Variants in WBP1L observed in about 807,000 individuals in gnomAD.
WBP1L encodes the protein WW domain binding protein 1 like, also known as WW domain binding protein 1-like.
In WBP1L, 17 loss-of-function variants were observed where a neutral mutation model predicts 33.7. The observed-to-expected ratio is 0.50, with a 90% CI of 0.34 to 0.76. The LOEUF is 0.76. Ranked by LOEUF, WBP1L falls within the 30% of genes least tolerant of loss-of-function variation. WBP1L has a pLI of 0.01. For synonymous variants in WBP1L, 173 were observed against 190.8 expected (o/e 0.91, Z 0.77); for missense variants, 389 against 469.4 (o/e 0.83, Z 1.58).
intron 1 of WBP1L, among the ~76,000 whole-genome samples, chr10:102,764,965 A>T (rs980061526): frequency 3.9e-5 from 6 of 152,178 alleles, no homozygotes; most frequent in Non-Finnish European, 8.8e-5. Flanking sequence ...CAAATCCAAA[A>T]ACGATTGCTA....
intron 1 of WBP1L, among the ~76,000 whole-genome samples, chr10:102,769,019 C>T (rs1317051467): frequency 6.6e-6 from 1 of 152,134 alleles, no homozygotes; most frequent in Non-Finnish European, 1.5e-5. Context: ...AGGTCTCACT[C>T]TGATACCCAG....
intron 2 of WBP1L, among the ~76,000 whole-genome samples, chr10:102,807,701 G>A (rs182971843): frequency 1.3e-5 from 2 of 151,912 alleles, no homozygotes; most frequent in East Asian, 3.9e-4. Flanking sequence ...CAAAAGTTAG[G>A]ATCATATTTT....
intron 1 of WBP1L, among the ~76,000 whole-genome samples, chr10:102,753,524 T>G (rs982518293): frequency 5.9e-5 from 9 of 152,244 alleles, no homozygotes; most frequent in African/African-American, 2.2e-4. Context: ...TAGGTCATCC[T>G]CTCAGACTTG....
intron 3 of WBP1L, 58 bp downstream of exon 3, chr10:102,810,112 G>T: frequency 1.3e-6 from 2 of 1,547,654 alleles, no homozygotes; most frequent in Admixed American, 1.9e-5. Context: ...CAGACCCAGG[G>T]CTCACACTGA....
At chr10:102,784,649 C>A (rs973461399) in intron 1 of WBP1L, among the ~76,000 whole-genome samples, 2 of 151,670 alleles carry the variant, frequency 1.3e-5, no homozygotes, top group Non-Finnish European at 2.9e-5. Context: ...ATGGTCTCGA[C>A]CTCCTGATCT....
At chr10:102,758,757 C>G (rs921912134) in intron 1 of WBP1L, among the ~76,000 whole-genome samples, 2 of 152,100 alleles carry the variant, frequency 1.3e-5, no homozygotes, top group African/African-American at 4.8e-5. Flanking sequence ...TTATTGCATA[C>G]AAGACAAGGG....
chr10:102,756,790 C>T (rs1321399376), intron 1 of WBP1L, among the ~76,000 whole-genome samples: 2 of 151,978 alleles, frequency 1.3e-5, no homozygotes, highest in African/African-American at 2.4e-5. Flanking sequence ...ATCTGCAGGC[C>T]GGGTCCACTG....
rs903160019 is a variant in WBP1L, at chr10:102,750,001, C to T, written c.90+5858C>T. 9.8e-4 allele frequency among the ~76,000 whole-genome samples: 148 copies of T among 151,226 alleles called. 1 individual carries two copies. The highest frequency in any genetic ancestry group is 3.2e-3 in the African/African-American group (133 of 41,272). ...TTCACCATGTTGGCCAGGCTGGTCT[C>T]GAACTCCTGACCTCAGATGATCTGC... is the stretch of plus-strand genomic sequence containing the variant. On this transcript the variant is annotated intron_variant, in intron 1 of 3. Coordinates refer to ENST00000448841, the MANE Select transcript of WBP1L (RefSeq NM_001083913.2).
At chr10:102,765,137 G>C (rs542293442) in intron 1 of WBP1L, among the ~76,000 whole-genome samples, 2 of 152,304 alleles carry the variant, frequency 1.3e-5, no homozygotes, top group African/African-American at 4.8e-5. Context: ...AGAACATGCA[G>C]GTGCTCTTCT....
intron 1 of WBP1L, among the ~76,000 whole-genome samples, chr10:102,773,339 T>C (rs949695499): frequency 1.3e-5 from 2 of 152,168 alleles, no homozygotes; most frequent in Non-Finnish European, 2.9e-5. Context: ...ATATATTGTA[T>C]TGTACTAGGT....
At chr10:102,772,015 C>T (rs1358921970) in intron 1 of WBP1L, among the ~76,000 whole-genome samples, 1 of 149,636 alleles carries the variant, frequency 6.7e-6, no homozygotes, top group Non-Finnish European at 1.5e-5. Context: ...GGCTGGAGTG[C>T]AGTGGCACAA....
intron 1 of WBP1L, among the ~76,000 whole-genome samples, chr10:102,769,735 G>A (rs1564758402): frequency 6.6e-6 from 1 of 152,154 alleles, no homozygotes; most frequent in South Asian, 2.1e-4. Flanking sequence ...GTTACCTAAC[G>A]TCACTGTGTA....
intron 2 of WBP1L, among the ~76,000 whole-genome samples, chr10:102,807,929 G>A (rs953307524): frequency 1.3e-5 from 2 of 151,718 alleles, no homozygotes; most frequent in African/African-American, 2.4e-5. Context: ...TGTTTTGGCC[G>A]GGCGCGGTGG....
At chr10:102,744,358 G>A (rs549142102) in intron 1 of WBP1L, 29 of 984,400 alleles carry the variant, frequency 2.9e-5, no homozygotes, top group Non-Finnish European at 3.5e-5. Flanking sequence ...ATGATGCCAA[G>A]CGAGTGAGGG....
chr10:102,798,669 C>T (rs564319253), intron 2 of WBP1L, among the ~76,000 whole-genome samples: 4 of 152,288 alleles, frequency 2.6e-5, no homozygotes, highest in Middle Eastern at 3.4e-3. Context: ...GTGATCTGCC[C>T]GCCTTGGCTT....
intron 1 of WBP1L, among the ~76,000 whole-genome samples, chr10:102,755,686 C>T (rs958841997): frequency 1.3e-5 from 2 of 151,914 alleles, no homozygotes; most frequent in Non-Finnish European, 2.9e-5. Context: ...AGCCACTGTG[C>T]CCAGCCTACA....
chr10:102,783,589 G>T (rs146179321), intron 1 of WBP1L, among the ~76,000 whole-genome samples: 9 of 152,358 alleles, frequency 5.9e-5, no homozygotes, highest in Non-Finnish European at 7.3e-5. Flanking sequence ...TTGTGCTGCA[G>T]TTTGGCTAAA....
chr10:102,812,435 C>T (rs778771370), intron 3 of WBP1L, among the ~76,000 whole-genome samples, 160 bp from the exon 4 acceptor site: 9 of 152,172 alleles, frequency 5.9e-5, no homozygotes, highest in East Asian at 1.9e-4. Context: ...CAGAATTGCT[C>T]GCAGCTGTCT....
At chr10:102,760,568 G>C (rs535901033) in intron 1 of WBP1L, among the ~76,000 whole-genome samples, 4 of 152,046 alleles carry the variant, frequency 2.6e-5, no homozygotes, top group South Asian at 2.1e-4. Context: ...TAGAGACGGG[G>C]TTTCTCTATG....
Sources: gnomAD v4.1 joint callset for allele counts (sites outside exome capture counted in the v4.1 genomes callset) on GRCh38, gnomAD v4.1.1 for gene constraint, MANE v1.5 for transcripts, NCBI Gene and HGNC (gene_info 2026-07-23, HGNC 2026-07-21) for gene names.